PCDHA12: variants seen among roughly 807,000 people sequenced by gnomAD.
PCDHA12 encodes protocadherin alpha-12.
In PCDHA12, 44 loss-of-function variants were observed where a neutral mutation model predicts 60.0. That is an observed-to-expected ratio of 0.73 (90% CI 0.58 to 0.94). The LOEUF (loss-of-function observed/expected upper bound fraction) is 0.94, where lower values mean the gene tolerates loss of function less well. Among genes scored for constraint, PCDHA12 ranks in the 40% least tolerant of loss-of-function variants. PCDHA12 has a pLI of 0.00. For synonymous variants in PCDHA12, 569 were observed against 553.0 expected (o/e 1.03, Z -0.40); for missense variants, 1,276 against 1,239.7 (o/e 1.03, Z -0.44).
chr5:140,895,874 C>T (rs1051774060), intron 1 of PCDHA12, among the ~76,000 whole-genome samples: 5 of 152,120 alleles, frequency 3.3e-5, no homozygotes, highest in Admixed American at 2.6e-4. Context: ...TGCAATGGCG[C>T]GATCTCGGCT....
intron 1 of PCDHA12, chr5:140,968,861 C>T (rs139036960): frequency 5.6e-5 from 90 of 1,614,182 alleles, no homozygotes; most frequent in Admixed American, 2.8e-4. Flanking sequence ...TAAGAGCCCT[C>T]GGACATACTC....
At chr5:140,982,675 T>C in intron 3 of PCDHA12, 112 bp downstream of exon 3, 1 of 1,441,782 alleles carries the variant, frequency 6.9e-7, no homozygotes, top group Non-Finnish European at 9.1e-7. Flanking sequence ...ATTTTTGTTA[T>C]TCCCTTTTTT....
intron 1 of PCDHA12, among the ~76,000 whole-genome samples, chr5:140,950,299 C>T (rs246045): frequency 0.56 from 85,681 of 151,798 alleles, 24,780 homozygotes; most frequent in African/African-American, 0.69. Context: ...AAAAACTTTA[C>T]TTAGCAGTTT....
At chr5:140,947,956 A>G (rs1460892977) in intron 1 of PCDHA12, among the ~76,000 whole-genome samples, 2 of 151,570 alleles carry the variant, frequency 1.3e-5, no homozygotes, top group Non-Finnish European at 3.0e-5. Context: ...CATATTTTAC[A>G]ATTAAGTATG....
chr5:140,894,446 T>A (rs981858089), intron 1 of PCDHA12, among the ~76,000 whole-genome samples: 18 of 152,000 alleles, frequency 1.2e-4, no homozygotes, highest in African/African-American at 3.4e-4. Context: ...AGCTCTTTTT[T>A]AAAAAATATT....
chr5:140,955,049 G>T (rs2095130069), intron 1 of PCDHA12, among the ~76,000 whole-genome samples: 1 of 152,130 alleles, frequency 6.6e-6, no homozygotes, highest in Admixed American at 6.6e-5. Context: ...CTCATTGCTT[G>T]TTTTTGTCAG....
chr5:140,941,185 CT>C (rs782102770), intron 1 of PCDHA12, among the ~76,000 whole-genome samples: 20 of 102,174 alleles, frequency 2.0e-4, no homozygotes, highest in Admixed American at 7.9e-4. Context: ...CATCCTGCTT[CT>C]TTTTTTTTCT....
chr5:140,893,040 C>A (rs1554185508), intron 1 of PCDHA12, among the ~76,000 whole-genome samples: 1 of 152,226 alleles, frequency 6.6e-6, no homozygotes, highest in African/African-American at 2.4e-5. Flanking sequence ...AACATATGCC[C>A]TCCAGGCTCA....
chr5:140,882,658 G>A (rs2059245402), intron 1 of PCDHA12: 3 of 1,614,148 alleles, frequency 1.9e-6, no homozygotes, highest in Middle Eastern at 1.7e-4. Context: ...ACGACAACCC[G>A]CCCATATTCC....
intron 1 of PCDHA12, among the ~76,000 whole-genome samples, chr5:140,925,464 A>G (rs1181531744): frequency 6.6e-6 from 1 of 152,114 alleles, no homozygotes; most frequent in Non-Finnish European, 1.5e-5. Flanking sequence ...GTTGTGGCTC[A>G]GAGATGTTTC....
chr5:140,981,881 C>G (rs138571007), intron 2 of PCDHA12, among the ~76,000 whole-genome samples: 1 of 152,158 alleles, frequency 6.6e-6, no homozygotes, highest in Non-Finnish European at 1.5e-5. Context: ...CTGAATTAAT[C>G]TCTTCTGAGC....
At chr5:140,927,882 G>A in intron 1 of PCDHA12, 2 of 1,614,224 alleles carry the variant, frequency 1.2e-6, no homozygotes, top group Non-Finnish European at 1.7e-6. Context: ...TGGTGGAGGT[G>A]ACTGACGTGA....
chr5:140,876,877 C>T lies in PCDHA12; in HGVS notation c.1405C>T (p.Pro469Ser). Reference protein sequence around the residue: ...EYTVFVKENNPPGCHIFTVSA... With the variant: ...EYTVFVKENNSPGCHIFTVSA... ...CACAGTGTTCGTGAAGGAGAACAAC[C>T]CGCCGGGCTGCCACATCTTCACGGT... Residue 469 changes from proline (P) to serine (S), a missense_variant, in exon 1 of 4, where the codon CCG becomes TCG. Pro to Ser is a moderately conservative substitution (Grantham distance 74). Transcript: ENST00000398631. The T allele has an allele frequency of 6.2e-7, 1 of 1,614,138 alleles. No homozygotes were observed. Among genetic ancestry groups the T allele is most frequent in the Non-Finnish European group, 8.5e-7 (1 of 1,180,004 alleles).
intron 1 of PCDHA12, among the ~76,000 whole-genome samples, chr5:140,940,668 C>T (rs1475667382): frequency 3.3e-5 from 5 of 152,166 alleles, no homozygotes; most frequent in African/African-American, 1.2e-4. Flanking sequence ...AAATCTTCAT[C>T]TGATAATTCC....
chr5:140,928,513 A>G lies in PCDHA12; in HGVS notation c.2368-50436A>G, dbSNP rs781867292. On this transcript the variant is annotated intron_variant, in intron 1 of 3. Transcript: ENST00000398631. ...TCCTCCCAGAAGTGCAACAGTGACTATAAACTTGTTTGTGGTAGATAGGAA... is the reference window on the plus strand; with the variant it reads ...TCCTCCCAGAAGTGCAACAGTGACTGTAAACTTGTTTGTGGTAGATAGGAA... 1.4e-5 allele frequency: 23 copies of G among 1,614,064 alleles called. No individual in the cohort carries two copies. In the African/African-American group the frequency reaches 2.8e-4, roughly 20 times the overall value.
Position 140,995,742 on chromosome 5 carries a change from A to G in PCDHA12, c.2515+13179A>G, listed in dbSNP as rs1354360972. Among the ~76,000 whole-genome samples the G allele has an allele frequency of 7.2e-5, 11 of 152,280 alleles. No individual in the cohort carries two copies. In the East Asian group the frequency reaches 2.1e-3, roughly 29 times the overall value. On this transcript the variant is annotated intron_variant, in intron 3 of 3. Coordinates refer to ENST00000398631, the MANE Select transcript of PCDHA12 (RefSeq NM_018903.4). Reference sequence around the variant, plus strand: ...CTTAGGTAATCCTGGTGGATTTGGTATATCATGTCTGAGAAAATGTGGAGA... The same window carrying G: ...CTTAGGTAATCCTGGTGGATTTGGTGTATCATGTCTGAGAAAATGTGGAGA...
intron 3 of PCDHA12, among the ~76,000 whole-genome samples, chr5:141,007,300 T>C (rs185284872): frequency 6.6e-6 from 1 of 151,058 alleles, no homozygotes; most frequent in Admixed American, 6.6e-5. Context: ...CCTGTAATCT[T>C]AGCATTTTGG....
At chr5:140,891,428 C>G (rs2063097176) in intron 1 of PCDHA12, among the ~76,000 whole-genome samples, 1 of 149,620 alleles carries the variant, frequency 6.7e-6, no homozygotes, top group Admixed American at 6.7e-5. Flanking sequence ...CCCCAAGTCC[C>G]CAACGTCCAT....
chr5:140,947,625 T>C (rs2094153389), intron 1 of PCDHA12, among the ~76,000 whole-genome samples: 1 of 151,648 alleles, frequency 6.6e-6, no homozygotes, highest in Non-Finnish European at 1.5e-5. Context: ...CAATATTGAG[T>C]CATCAGATCG....
Sources: allele counts gnomAD v4.1 joint callset (sites outside exome capture counted in the v4.1 genomes callset), GRCh38; gene constraint gnomAD v4.1.1; transcripts MANE v1.5; gene names NCBI Gene and HGNC (gene_info 2026-07-23, HGNC 2026-07-21).